The following CCSER1 variants were observed in gnomAD, a reference collection of about 807,000 sequenced individuals.
CCSER1 encodes the protein coiled-coil serine rich protein 1, also known as serine-rich coiled-coil domain-containing protein 1.
A neutral mutation model predicts 82.0 loss-of-function variants in CCSER1; 41 were observed. The ratio of observed to expected loss-of-function variants is 0.50; its 90% CI spans 0.39 to 0.65. The LOEUF (loss-of-function observed/expected upper bound fraction) is 0.65. Among genes scored for constraint, CCSER1 ranks in the 30% least tolerant of loss-of-function variants. CCSER1 has a pLI of 0.00. For synonymous variants in CCSER1, 414 were observed against 383.9 expected (o/e 1.08, Z -0.92); for missense variants, 1,119 against 1,064.2 (o/e 1.05, Z -0.72).
At chr4:90,827,328 G>A (rs1760595940) in intron 8 of CCSER1, among the ~76,000 whole-genome samples, 1 of 152,174 alleles carries the variant, frequency 6.6e-6, no homozygotes, top group Admixed American at 6.5e-5. Context: ...GGTCAAGTGA[G>A]CTGCCATCTT....
At chr4:90,529,166 G>A (rs1008088719) in intron 5 of CCSER1, among the ~76,000 whole-genome samples, 9 of 151,874 alleles carry the variant, frequency 5.9e-5, no homozygotes, top group African/African-American at 1.5e-4. Context: ...GTATATACAC[G>A]TTGTGTTTCT....
chr4:91,405,318 T>C (rs1340818196), intron 10 of CCSER1, among the ~76,000 whole-genome samples: 1 of 152,054 alleles, frequency 6.6e-6, no homozygotes, highest in Admixed American at 6.6e-5. Context: ...TGAAGATGGA[T>C]TAAAGACTTA....
At chr4:90,602,239 C>T (rs922852043) in intron 5 of CCSER1, among the ~76,000 whole-genome samples, 3 of 152,134 alleles carry the variant, frequency 2.0e-5, no homozygotes, top group Non-Finnish European at 4.4e-5. Flanking sequence ...TTCCTTTGAA[C>T]TAACAACCCC....
chr4:91,255,989 A>T (rs891313352), intron 10 of CCSER1, among the ~76,000 whole-genome samples: 3 of 152,234 alleles, frequency 2.0e-5, no homozygotes, highest in Non-Finnish European at 4.4e-5. Context: ...AACAAGGGAG[A>T]TAACCATTAA....
intron 4 of CCSER1, among the ~76,000 whole-genome samples, chr4:90,457,906 C>T: frequency 6.6e-6 from 1 of 152,198 alleles, no homozygotes; most frequent in East Asian, 1.9e-4. Flanking sequence ...TGCCAACCTT[C>T]TCTTTGCCGT....
At chr4:91,319,947 A>C (rs1746081902) in intron 10 of CCSER1, among the ~76,000 whole-genome samples, 1 of 152,050 alleles carries the variant, frequency 6.6e-6, no homozygotes, top group South Asian at 2.1e-4. Context: ...TTTAAATTGC[A>C]CTACATTCAG....
At chr4:91,064,820 C>T (rs1270685363) in intron 9 of CCSER1, among the ~76,000 whole-genome samples, 1 of 151,964 alleles carries the variant, frequency 6.6e-6, no homozygotes, top group African/African-American at 2.4e-5. Flanking sequence ...CTCTATTTTC[C>T]AGGGACAATA....
intron 8 of CCSER1, among the ~76,000 whole-genome samples, chr4:90,875,363 T>C (rs1767065633): frequency 6.6e-6 from 1 of 152,134 alleles, no homozygotes; most frequent in Non-Finnish European, 1.5e-5. Context: ...AGAATATCCA[T>C]AAATAATGGA....
chr4:91,553,462 A>G (rs1295621492), intron 10 of CCSER1, among the ~76,000 whole-genome samples: 1 of 151,494 alleles, frequency 6.6e-6, no homozygotes, highest in Non-Finnish European at 1.5e-5. Context: ...AGAAAGATAG[A>G]TATTAATTGT....
At chr4:90,530,388 A>G (rs995577317) in intron 5 of CCSER1, among the ~76,000 whole-genome samples, 1 of 152,220 alleles carries the variant, frequency 6.6e-6, no homozygotes, top group Non-Finnish European at 1.5e-5. Context: ...TGACACAGTC[A>G]CAAGAAGGAA....
intron 9 of CCSER1, among the ~76,000 whole-genome samples, chr4:90,971,189 T>C (rs75238842): frequency 0.057 from 8,691 of 151,970 alleles, 356 homozygotes; most frequent in South Asian, 0.17. Flanking sequence ...AGAAGTTTAA[T>C]TGACTCACAG....
At chr4:90,190,482 T>C (rs1008886786) in intron 1 of CCSER1, among the ~76,000 whole-genome samples, 7 of 152,108 alleles carry the variant, frequency 4.6e-5, no homozygotes, top group African/African-American at 1.7e-4. Context: ...TTACTTACAC[T>C]AAAGGACAAA....
At chr4:90,863,072 A>G in intron 8 of CCSER1, among the ~76,000 whole-genome samples, 1 of 151,190 alleles carries the variant, frequency 6.6e-6, no homozygotes, top group East Asian at 2.0e-4. Context: ...TATATCTCCT[A>G]ATGCTATCCC....
intron 10 of CCSER1, among the ~76,000 whole-genome samples, chr4:91,139,919 A>C (rs1233090597): frequency 6.6e-6 from 1 of 152,168 alleles, no homozygotes; most frequent in Non-Finnish European, 1.5e-5. Flanking sequence ...AAGTACAAAG[A>C]AAGTACTTGT....
chr4:90,780,434 T>A, intron 7 of CCSER1: 1 of 1,610,414 alleles, frequency 6.2e-7, no homozygotes, highest in East Asian at 2.2e-5. Context: ...TTTTTATTGT[T>A]TTTACAGACC....
intron 10 of CCSER1, among the ~76,000 whole-genome samples, chr4:91,087,028 G>T (rs1456649551): frequency 6.6e-6 from 1 of 152,076 alleles, no homozygotes; most frequent in Non-Finnish European, 1.5e-5. Flanking sequence ...ATGGTCATCA[G>T]TATGACTGGG....
intron 9 of CCSER1, among the ~76,000 whole-genome samples, chr4:91,085,657 C>A (rs1204069798): frequency 2.0e-5 from 3 of 152,068 alleles, no homozygotes; most frequent in Non-Finnish European, 4.4e-5. Flanking sequence ...CAAGTTTAAA[C>A]ATCTTTGGTT....
chr4:91,328,664 A>C (rs553626156), intron 10 of CCSER1, among the ~76,000 whole-genome samples: 1 of 152,208 alleles, frequency 6.6e-6, no homozygotes, highest in Non-Finnish European at 1.5e-5. Flanking sequence ...TAGTTAAATT[A>C]TGTGATAAAG....
intron 8 of CCSER1, among the ~76,000 whole-genome samples, chr4:90,896,008 C>T (rs535317241): frequency 1.8e-4 from 27 of 151,538 alleles, no homozygotes; most frequent in South Asian, 1.0e-3. Context: ...GCAGTGATTC[C>T]GGAGGAAAAA....
Sources: allele counts gnomAD v4.1 joint callset (sites outside exome capture counted in the v4.1 genomes callset), GRCh38; gene constraint gnomAD v4.1.1; transcripts MANE v1.5; gene names NCBI Gene and HGNC (gene_info 2026-07-23, HGNC 2026-07-21).